The following TMEM132D variants were observed in gnomAD, a reference collection of about 807,000 sequenced individuals.
TMEM132D encodes transmembrane protein 132D, also known as mature OL transmembrane protein.
In TMEM132D, 21 loss-of-function variants were observed where a neutral mutation model predicts 62.3. The ratio of observed to expected loss-of-function variants is 0.34; its 90% CI spans 0.24 to 0.49. The LOEUF is 0.49. TMEM132D is among the 20% of genes least tolerant of loss of function. The probability of loss-of-function intolerance (pLI) is 0.99; values close to 1 mark genes in which losing one functional copy is unlikely to be tolerated. For synonymous variants in TMEM132D, 621 were observed against 575.6 expected, an observed-to-expected ratio of 1.08 and a Z score of -1.13; for missense variants, 1,346 against 1,402.8, an observed-to-expected ratio of 0.96 and a Z score of 0.65.
chr12:129,596,126 A>C (rs1809494184), intron 2 of TMEM132D, among the ~76,000 whole-genome samples: 1 of 152,210 alleles, frequency 6.6e-6, no homozygotes, highest in African/African-American at 2.4e-5. Context: ...CACAGGAGAC[A>C]AATTGGGTAT....
intron 2 of TMEM132D, among the ~76,000 whole-genome samples, chr12:129,531,790 G>T (rs1266306569): frequency 2.0e-5 from 3 of 152,122 alleles, no homozygotes; most frequent in African/African-American, 4.8e-5. Flanking sequence ...AGCCCTGTTT[G>T]CTTTTTATAA....
At chr12:129,152,021 G>A (rs938244474) in intron 5 of TMEM132D, among the ~76,000 whole-genome samples, 1 of 152,042 alleles carries the variant, frequency 6.6e-6, no homozygotes, top group Admixed American at 6.6e-5. Flanking sequence ...GGGACTACAG[G>A]CGCCCGCCAT....
intron 5 of TMEM132D, chr12:129,086,053 C>G (rs1453394272): frequency 1.3e-5 from 2 of 152,232 alleles, no homozygotes; most frequent in Non-Finnish European, 2.9e-5. Flanking sequence ...TTTCCCCTCC[C>G]AGCTTTACTG....
intron 2 of TMEM132D, among the ~76,000 whole-genome samples, chr12:129,653,828 G>A (rs1042423115): frequency 2.6e-5 from 4 of 152,134 alleles, no homozygotes; most frequent in African/African-American, 7.2e-5. Context: ...TGCAATCAAC[G>A]ACCCAATAGT....
intron 2 of TMEM132D, among the ~76,000 whole-genome samples, chr12:129,663,952 C>A (rs646874): frequency 0.76 from 114,946 of 151,630 alleles, 43,887 homozygotes; most frequent in East Asian, 0.82. Context: ...TTAGGAAAAA[C>A]AAAATCACTG....
chr12:129,507,550 A>G (rs1875372439), intron 3 of TMEM132D, among the ~76,000 whole-genome samples: 1 of 152,232 alleles, frequency 6.6e-6, no homozygotes, highest in South Asian at 2.1e-4. Context: ...AATTAATGGC[A>G]TTCGCAGCAA....
chr12:129,603,957 G>T (rs142561821), intron 2 of TMEM132D, among the ~76,000 whole-genome samples: 8 of 152,238 alleles, frequency 5.3e-5, no homozygotes, highest in African/African-American at 1.7e-4. Context: ...AAGAAAATGT[G>T]GCACATATAC....
Position 129,878,347 on chromosome 12 carries a change from T to C in TMEM132D, c.79+24914A>G, listed in dbSNP as rs183757171. 2.3e-3 allele frequency among the ~76,000 whole-genome samples: 346 copies of C among 152,318 alleles called. 1 individual carries two copies. Among genetic ancestry groups the C allele is most frequent in the African/African-American group, 7.6e-3 (314 of 41,570 alleles). ...TAAGCTTTGCTTAATGAAGGAGTTA[T>C]AGTATGGTGATCGGGAGGTGGACAG... On this transcript the variant is annotated intron_variant, in intron 1 of 8. Coordinates refer to ENST00000422113, the MANE Select transcript of TMEM132D (RefSeq NM_133448.3).
At chr12:129,524,841 G>A (rs887329690) in intron 3 of TMEM132D, among the ~76,000 whole-genome samples, 16 of 151,468 alleles carry the variant, frequency 1.1e-4, no homozygotes, top group African/African-American at 3.6e-4. Flanking sequence ...GCGACAGAGT[G>A]AGACTCCGTC....
chr12:129,308,646 C>A (rs1038396772), intron 4 of TMEM132D, among the ~76,000 whole-genome samples: 1 of 152,106 alleles, frequency 6.6e-6, no homozygotes, highest in African/African-American at 2.4e-5. Context: ...TCAGAAAGAG[C>A]AGAACACCTC....
chr12:129,444,944 C>T (rs1423227514), intron 3 of TMEM132D, among the ~76,000 whole-genome samples: 1 of 152,126 alleles, frequency 6.6e-6, no homozygotes, highest in Admixed American at 6.5e-5. Flanking sequence ...GAACTACAAA[C>T]AAAACTACTA....
Position 129,699,949 on chromosome 12 carries a change from T to C in TMEM132D, c.829A>G (p.Arg277Gly), listed in dbSNP as rs748207970. ...IGSIFLYQTH[R>G]KPSLRELRLD... is the part of the protein sequence containing the mutation. ...CGCAGTTCTCTCAGGGAGGGTTTCCTGTGTGTCTGATAAAGGAAGATGCTC... is the reference window on the plus strand; with the variant it reads ...CGCAGTTCTCTCAGGGAGGGTTTCCCGTGTGTCTGATAAAGGAAGATGCTC... The change falls in exon 2 of 9, where the codon AGG becomes GGG. Residue 277 changes from arginine (R) to glycine (G), a missense_variant. Transcript: ENST00000422113. 2.5e-6 allele frequency: 4 copies of C among 1,614,144 alleles called. No individual in the cohort carries two copies. Among genetic ancestry groups the C allele is most frequent in the Non-Finnish European group, 2.5e-6 (3 of 1,180,020 alleles).
intron 3 of TMEM132D, among the ~76,000 whole-genome samples, chr12:129,374,763 G>C (rs11060287): frequency 3.3e-5 from 5 of 152,146 alleles, no homozygotes; most frequent in African/African-American, 1.2e-4. Context: ...CTTACTCAAC[G>C]TATATAACCT....
chr12:129,169,382 C>T (rs567922509), intron 5 of TMEM132D, among the ~76,000 whole-genome samples: 35 of 152,276 alleles, frequency 2.3e-4, no homozygotes, highest in African/African-American at 7.9e-4. Context: ...GTGGCTGGAG[C>T]TATGGCAGCC....
chr12:129,287,082 T>C (rs1881322697), intron 4 of TMEM132D, among the ~76,000 whole-genome samples: 1 of 151,404 alleles, frequency 6.6e-6, no homozygotes, highest in Non-Finnish European at 1.5e-5. Context: ...CAGGGATTAT[T>C]TGGAGCAATG....
At chr12:129,714,553 T>C (rs974237153) in intron 1 of TMEM132D, among the ~76,000 whole-genome samples, 4 of 152,170 alleles carry the variant, frequency 2.6e-5, no homozygotes, top group Non-Finnish European at 5.9e-5. Context: ...ATGTACAGCA[T>C]AGAGACTGCA....
chr12:129,627,374 GC>G (rs1879249506), intron 2 of TMEM132D, among the ~76,000 whole-genome samples: 1 of 152,182 alleles, frequency 6.6e-6, no homozygotes, highest in Non-Finnish European at 1.5e-5. Flanking sequence ...CAGGTTTGTA[GC>G]CTAGGAGCAA....
chr12:129,233,455 G>C (rs1879699270), intron 4 of TMEM132D, among the ~76,000 whole-genome samples: 1 of 152,108 alleles, frequency 6.6e-6, no homozygotes, highest in Non-Finnish European at 1.5e-5. Flanking sequence ...CCTGCCTCAT[G>C]ATAAGATGTA....
chr12:129,517,926 C>A (rs1012594175), intron 3 of TMEM132D, among the ~76,000 whole-genome samples: 1 of 152,102 alleles, frequency 6.6e-6, no homozygotes, highest in Non-Finnish European at 1.5e-5. Context: ...TCCTTAGTTT[C>A]TTTGTATTAT....
Sources: allele counts gnomAD v4.1 joint callset (sites outside exome capture counted in the v4.1 genomes callset), GRCh38; gene constraint gnomAD v4.1.1; transcripts MANE v1.5; gene names NCBI Gene and HGNC (gene_info 2026-07-23, HGNC 2026-07-21).